The following CNDP1 variants were observed in gnomAD, a reference collection of about 807,000 sequenced individuals.
The protein encoded by CNDP1 is beta-Ala-His dipeptidase.
Under a neutral mutation model 58.1 loss-of-function variants are expected in CNDP1, and 44 were observed. The ratio of observed to expected loss-of-function variants is 0.76; its 90% CI spans 0.60 to 0.97. The LOEUF (loss-of-function observed/expected upper bound fraction) is 0.97, where lower values mean the gene tolerates loss of function less well. Among genes scored for constraint, CNDP1 ranks in the 50% least tolerant of loss-of-function variants. The pLI, the probability that CNDP1 is intolerant of heterozygous loss-of-function variation, is 0.00. For synonymous variants in CNDP1, 254 were observed against 252.6 expected (o/e 1.01, Z -0.05); for missense variants, 616 against 655.1 (o/e 0.94, Z 0.65).
intron 1 of CNDP1, among the ~76,000 whole-genome samples, chr18:74,541,882 G>A (rs895388100): frequency 2.6e-5 from 4 of 152,162 alleles, no homozygotes; most frequent in Non-Finnish European, 4.4e-5. Flanking sequence ...AGCTTCCGGC[G>A]CCACAGGACA....
chr18:74,546,734 G>T (rs1277867399), intron 1 of CNDP1, among the ~76,000 whole-genome samples: 2 of 152,158 alleles, frequency 1.3e-5, no homozygotes, highest in African/African-American at 4.8e-5. Flanking sequence ...CCTGGCTTCG[G>T]CAGTCTCTGA....
intron 5 of CNDP1, among the ~76,000 whole-genome samples, chr18:74,566,232 G>C (rs961115594): frequency 2.0e-5 from 3 of 152,210 alleles, no homozygotes; most frequent in African/African-American, 7.2e-5. Context: ...TGATGGGTGG[G>C]GCTGCCGTGA....
At chr18:74,543,814 A>G (rs62099906) in intron 1 of CNDP1, among the ~76,000 whole-genome samples, 28,195 of 152,048 alleles carry the variant, frequency 0.19, 2,644 homozygotes, top group Middle Eastern at 0.26. Flanking sequence ...GCCAGGCACT[A>G]TGGCTCACAC....
rs1345232647 is a variant in CNDP1 at position 74,585,958 on chromosome 18, C to CACTCCA, written c.*1397_*1402dup. 28 of 135,158 alleles carry CACTCCA rather than the reference C, an allele frequency of 2.1e-4. No homozygotes were observed. The highest frequency in any genetic ancestry group is 7.8e-4 in the African/African-American group (28 of 35,738). The allele number at this position is 135,158 out of a possible 1,614,324, so 8.4% of individuals were successfully genotyped here. A position where few individuals can be genotyped will look rare whatever the true frequency, so the allele number is the denominator to read the frequency against. On this transcript the variant is annotated 3_prime_UTR_variant, in exon 12 of 12. Transcript: ENST00000358821. ...GCAGTGAACTGGGATCATGCCACTG[C>CACTCCA]ACTCCAGCCTGGGCGACAGAGTGAG...
At chr18:74,541,832 G>A (rs1025486338) in intron 1 of CNDP1, among the ~76,000 whole-genome samples, 2 of 152,224 alleles carry the variant, frequency 1.3e-5, no homozygotes, top group African/African-American at 4.8e-5. Flanking sequence ...CAGAAGCACT[G>A]TGGTTGGGAC....
chr18:74,569,119 G>T (rs1052567422), intron 6 of CNDP1, among the ~76,000 whole-genome samples: 2 of 152,176 alleles, frequency 1.3e-5, no homozygotes, highest in Non-Finnish European at 2.9e-5. Context: ...GACAAGGGGA[G>T]CTGTCATCAG....
At chr18:74,565,091 C>T (rs1269782578) in intron 5 of CNDP1, among the ~76,000 whole-genome samples, 1 of 152,152 alleles carries the variant, frequency 6.6e-6, no homozygotes, top group African/African-American at 2.4e-5. Flanking sequence ...GAGGAAAAAG[C>T]AAAAGCTGAA....
Position 74,560,993 on chromosome 18 carries a change from C to A in CNDP1, c.441C>A (p.Asp147Glu), listed in dbSNP as rs764287048. The change falls in exon 4 of 12, where the codon GAC becomes GAA. Residue 147 changes from aspartate to glutamate, a missense_variant. Coordinates refer to ENST00000358821, the MANE Select transcript of CNDP1 (RefSeq NM_032649.6). The stretch of plus-strand genomic sequence containing the variant: ...ACCGGGGCGATGGGTGGCTCACGGA[C>A]CCCTATGTGCTGACGGAGGTAGACG... ...PADRGDGWLT[D>E]PYVLTEVDGK... 5.0e-6 allele frequency: 8 copies of A among 1,613,640 alleles called. No individual in the cohort carries two copies. Among genetic ancestry groups the A allele is most frequent in the Non-Finnish European group, 5.1e-6 (6 of 1,179,788 alleles).
At chr18:74,570,423 G>A (rs1450646237) in intron 6 of CNDP1, among the ~76,000 whole-genome samples, 4 of 152,056 alleles carry the variant, frequency 2.6e-5, no homozygotes, top group Non-Finnish European at 5.9e-5. Context: ...AGTGACAGCA[G>A]GACAGTGTCT....
intron 2 of CNDP1, among the ~76,000 whole-genome samples, chr18:74,557,652 T>G (rs1981078530): frequency 6.6e-6 from 1 of 152,038 alleles, no homozygotes. Flanking sequence ...CACTGATGTG[T>G]TGTTGTCTGT....
chr18:74,540,991 A>G (rs1355504185), intron 1 of CNDP1, among the ~76,000 whole-genome samples: 1 of 152,242 alleles, frequency 6.6e-6, no homozygotes, highest in Non-Finnish European at 1.5e-5. Context: ...CGGGTGGTTT[A>G]GCACAGACTG....
intron 9 of CNDP1, 152 bp downstream of exon 9, chr18:74,578,479 T>A: frequency 1.3e-6 from 1 of 786,330 alleles, no homozygotes; most frequent in Non-Finnish European, 2.0e-6. Context: ...GAAACCAATA[T>A]TGCCCAGTGC....
In CNDP1 at chr18:74,576,931, C is replaced by A; in HGVS notation, c.904C>A (p.Leu302Ile). The change falls in exon 8 of 12, where the codon CTT becomes ATT. Residue 302 changes from leucine to isoleucine, a missense_variant. Physicochemically the swap from Leu to Ile is conservative, Grantham distance 5. Transcript: ENST00000358821. ...VPGIYDEVVP[L>I]TEEEINTYKA... ...TGGAATCTATGATGAAGTGGTTCCTCTTACAGAAGAGGAAATAAATACATA... is the reference window on the plus strand; with the variant it reads ...TGGAATCTATGATGAAGTGGTTCCTATTACAGAAGAGGAAATAAATACATA... The A allele has an allele frequency of 6.2e-7, 1 of 1,613,600 alleles. No individual in the cohort carries two copies. The highest frequency in any genetic ancestry group is 8.5e-7 in the Non-Finnish European group (1 of 1,179,796).
intron 1 of CNDP1, among the ~76,000 whole-genome samples, chr18:74,540,157 CTTTTTT>C (rs34321505): frequency 7.4e-6 from 1 of 135,260 alleles, no homozygotes; most frequent in African/African-American, 2.7e-5. Context: ...TGGTATAAAT[CTTTTTT>C]TTTTTTTTTT....
chr18:74,550,210 T>G (rs1015811101), intron 1 of CNDP1, among the ~76,000 whole-genome samples: 4 of 152,194 alleles, frequency 2.6e-5, no homozygotes, highest in African/African-American at 9.6e-5. Context: ...ATCCTAACCT[T>G]GGAAAAGCCA....
chr18:74,559,748 T>A (rs1981139557), intron 3 of CNDP1, among the ~76,000 whole-genome samples: 3 of 152,202 alleles, frequency 2.0e-5, no homozygotes, highest in African/African-American at 7.2e-5. Flanking sequence ...CTTGTACTTT[T>A]CATTTCCTGG....
chr18:74,570,200 AAAT>A (rs112491367), intron 6 of CNDP1, among the ~76,000 whole-genome samples: 23,896 of 69,962 alleles, frequency 0.34, 2,207 homozygotes, highest in Middle Eastern at 0.44. Flanking sequence ...CTCTGTCTCA[AAAT>A]AATAATAATA....
At chr18:74,551,442 C>T (rs933312816) in intron 1 of CNDP1, among the ~76,000 whole-genome samples, 1 of 151,864 alleles carries the variant, frequency 6.6e-6, no homozygotes, top group Non-Finnish European at 1.5e-5. Flanking sequence ...GATGGAGTCT[C>T]AGATCCCACT....
In CNDP1 at chr18:74,563,247, G is replaced by A. The variant is rs1183359299; in HGVS notation, c.555+1112G>A. ...TCAGGAAATCAGCACAGGTCTCAGC[G>A]GGCTCCTGCTGACCACTGCAAAGGT... On this transcript the variant is annotated intron_variant, in intron 5 of 11. Transcript: ENST00000358821. 3.9e-5 allele frequency among the ~76,000 whole-genome samples: 6 copies of A among 152,052 alleles called. No homozygotes were observed. The East Asian group carries it at 5.8e-4, about 15-fold the overall frequency.
Sources: allele counts gnomAD v4.1 joint callset (sites outside exome capture counted in the v4.1 genomes callset), GRCh38; gene constraint gnomAD v4.1.1; transcripts MANE v1.5; gene names NCBI Gene and HGNC (gene_info 2026-07-23, HGNC 2026-07-21).